Variants in COL28A1 observed in about 807,000 individuals in gnomAD.
COL28A1 encodes the protein collagen alpha-1(XXVIII) chain.
A neutral mutation model predicts 150.2 loss-of-function variants in COL28A1; 161 were observed. That is an observed-to-expected ratio of 1.07 (90% CI 0.94 to 1.22). COL28A1 has a LOEUF of 1.22. COL28A1 is among the 50% of genes most tolerant of loss of function. The pLI is 0.00. For synonymous variants in COL28A1, 552 were observed against 469.7 expected, an observed-to-expected ratio of 1.18 and a Z score of -2.26; for missense variants, 1,617 against 1,388.3, an observed-to-expected ratio of 1.16 and a Z score of -2.62.
In COL28A1 at chr7:7,530,397, G is replaced by A. The variant is rs559122134; in HGVS notation, c.681+951C>T. On this transcript the variant is annotated intron_variant, in intron 3 of 34. Transcript: ENST00000399429. ...TGTTGAGAAAAAGATCGAGGGATAA[G>A]ACAAAAGGAGCAAAACAATCTCTGA... 3.9e-5 allele frequency among the ~76,000 whole-genome samples: 6 copies of A among 152,302 alleles called. No individual in the cohort carries two copies. The South Asian group carries it at 1.2e-3, about 32-fold the overall frequency.
In COL28A1 at chr7:7,400,266, G is replaced by A. The variant is rs562584950; in HGVS notation, c.2136+17593C>T. On this transcript the variant is annotated intron_variant, in intron 27 of 34. Transcript: ENST00000399429. ...TGGGTGATTATCCTGGATTATCCAT[G>A]TGAGCCCTAAATGTAACCACAAGTA... is the stretch of plus-strand genomic sequence containing the variant. Among the ~76,000 whole-genome samples the A allele has an allele frequency of 7.2e-5, 11 of 152,266 alleles. 1 individual carries two copies. The East Asian group carries it at 9.7e-4, about 13-fold the overall frequency.
intron 24 of COL28A1, 24 bp from the exon 25 acceptor site, chr7:7,432,565 G>C (rs567494262): frequency 2.0e-4 from 326 of 1,612,788 alleles, no homozygotes; most frequent in Middle Eastern, 1.2e-3. Context: ...GTAAGGGAGG[G>C]AGTGAGCATC....
intron 15 of COL28A1, 35 bp from the exon 16 acceptor site, chr7:7,456,147 A>T: frequency 6.3e-7 from 1 of 1,598,578 alleles, no homozygotes; most frequent in Non-Finnish European, 8.5e-7. Context: ...TATAACAATA[A>T]AATAAAATCT....
chr7:7,403,958 T>C (rs1583300129), intron 27 of COL28A1, among the ~76,000 whole-genome samples: 1 of 152,214 alleles, frequency 6.6e-6, no homozygotes, highest in South Asian at 2.1e-4. Flanking sequence ...AACTAGACTT[T>C]TGAATGCCAT....
intron 5 of COL28A1, 138 bp from the exon 6 acceptor site, chr7:7,520,253 TCTC>T (rs1781645855): frequency 5.8e-6 from 3 of 521,714 alleles, no homozygotes; most frequent in Non-Finnish European, 1.0e-5. Context: ...GAAATTCAAT[TCTC>T]TTCTCCCTTT....
intron 30 of COL28A1, among the ~76,000 whole-genome samples, chr7:7,379,266 T>G (rs1781733302): frequency 6.6e-6 from 1 of 152,142 alleles, no homozygotes; most frequent in South Asian, 2.1e-4. Flanking sequence ...ACACACTAAA[T>G]TCTCACTTAA....
chr7:7,387,434 A>C (rs143093399), intron 27 of COL28A1, among the ~76,000 whole-genome samples: 1 of 152,196 alleles, frequency 6.6e-6, no homozygotes, highest in South Asian at 2.1e-4. Context: ...TCTATAGATT[A>C]AATAGTATTA....
At chr7:7,345,422 A>G in the COL28A1 span, among the ~76,000 whole-genome samples, 1 of 152,070 alleles carries the variant, frequency 6.6e-6, no homozygotes, top group Non-Finnish European at 1.5e-5. Context: ...TTTTACCTAC[A>G]TAGTTACCAT....
In COL28A1 at chr7:7,372,324, G is replaced by A. The variant is rs182800224; in HGVS notation, c.2908+674C>T. Among the ~76,000 whole-genome samples, 388 of 151,644 alleles carry A rather than the reference G, an allele frequency of 2.6e-3. 2 individuals carry two copies. Among genetic ancestry groups the A allele is most frequent in the African/African-American group, 8.1e-3 (335 of 41,358 alleles). ...TGAGGCAGGAGAATCACTTGAACCC[G>A]GGAAGCAGAGGTTGCAGTGAGCTGA... On this transcript the variant is annotated intron_variant, in intron 32 of 34. Coordinates refer to ENST00000399429, the MANE Select transcript of COL28A1 (RefSeq NM_001037763.3).
chr7:7,477,179 C>A lies in COL28A1; in HGVS notation c.1166G>T (p.Gly389Val). 1.7e-6 allele frequency: 2 copies of A among 1,202,550 alleles called. No homozygotes were observed. Among genetic ancestry groups the A allele is most frequent in the Non-Finnish European group, 2.5e-6 (2 of 803,816 alleles). The allele number at this position is 1,202,550 out of a possible 1,614,324, so 74.5% of individuals were successfully genotyped here. The change falls in exon 14 of 35, where the codon GGT becomes GTT. Residue 389 changes from glycine to valine, a missense_variant and splice_region_variant. By Grantham distance (109) the Gly-to-Val change is moderately radical. Transcript: ENST00000399429. ...TGGTACTCCCTCAGGACCACGGGGACCCTGGTTAGGATAGGAGAAAATGAG... is the reference window on the plus strand; with the variant it reads ...TGGTACTCCCTCAGGACCACGGGGAACCTGGTTAGGATAGGAGAAAATGAG... ...PIGVGEPGQP[G>V]PRGPEGVPGE...
Position 7,440,801 on chromosome 7 carries a change from C to T in COL28A1, c.1711G>A (p.Glu571Lys), listed in dbSNP as rs769125330. Residue 571 changes from glutamate (E) to lysine (K), a missense_variant, in exon 21 of 35, where the codon GAA becomes AAA. Coordinates refer to ENST00000399429, the MANE Select transcript of COL28A1 (RefSeq NM_001037763.3). ...TACAAGAAACATACCTTTGGTCCTT[C>T]GGGCCCTGGAAGTCCCCTCTGTCCT... ...NQGQRGLPGPEGPKGEPGIMG... is the reference protein window; with the variant it reads ...NQGQRGLPGPKGPKGEPGIMG... The T allele has an allele frequency of 6.1e-6, 9 of 1,479,574 alleles. No homozygotes were observed. The highest frequency in any genetic ancestry group is 2.3e-5 in the South Asian group (2 of 87,328). The allele number at this position is 1,479,574 out of a possible 1,614,324, so 91.7% of individuals were successfully genotyped here.
intron 33 of COL28A1, among the ~76,000 whole-genome samples, chr7:7,362,517 A>G (rs1421026725): frequency 6.6e-6 from 1 of 152,150 alleles, no homozygotes; most frequent in African/African-American, 2.4e-5. Flanking sequence ...GCATGCATAC[A>G]TACACACACA....
intron 15 of COL28A1, among the ~76,000 whole-genome samples, chr7:7,461,804 C>T (rs1415667154): frequency 6.6e-6 from 1 of 152,156 alleles, no homozygotes; most frequent in Non-Finnish European, 1.5e-5. Flanking sequence ...CTTCCCTATC[C>T]ACCCTGGTAA....
intron 17 of COL28A1, 125 bp downstream of exon 17, chr7:7,453,315 C>T: frequency 1.4e-6 from 1 of 704,382 alleles, no homozygotes; most frequent in Non-Finnish European, 2.5e-6. Context: ...TAACATTTTG[C>T]ATTAAGTAGA....
chr7:7,390,858 T>C (rs1444372596), intron 27 of COL28A1, among the ~76,000 whole-genome samples: 2 of 152,220 alleles, frequency 1.3e-5, no homozygotes, highest in Non-Finnish European at 2.9e-5. Flanking sequence ...CATTTTTTAT[T>C]GCATCTATTT....
At chr7:7,450,889 CA>C (rs1786639832) in intron 18 of COL28A1, among the ~76,000 whole-genome samples, 1 of 152,002 alleles carries the variant, frequency 6.6e-6, no homozygotes. Context: ...ACAAATAAAA[CA>C]TAAGGCTGAC....
chr7:7,481,516 C>A (rs1464498004), intron 13 of COL28A1, among the ~76,000 whole-genome samples: 1 of 152,162 alleles, frequency 6.6e-6, no homozygotes, highest in African/African-American at 2.4e-5. Flanking sequence ...ATTAAAAAAT[C>A]TCAGTGTCCT....
chr7:7,526,837 G>C (rs111398925), intron 3 of COL28A1, among the ~76,000 whole-genome samples: 7,704 of 152,140 alleles, frequency 0.051, 262 homozygotes, highest in Non-Finnish European at 0.076. Context: ...GTTTCATCAT[G>C]TCGGCCAGGC....
the COL28A1 span, among the ~76,000 whole-genome samples, chr7:7,345,125 T>C: frequency 2.6e-5 from 4 of 152,102 alleles, no homozygotes; most frequent in African/African-American, 9.7e-5. Flanking sequence ...CATATTATGT[T>C]ATTTTATTAA....
Sources: allele counts gnomAD v4.1 joint callset (sites outside exome capture counted in the v4.1 genomes callset), GRCh38; gene constraint gnomAD v4.1.1; transcripts MANE v1.5; gene names NCBI Gene and HGNC (gene_info 2026-07-23, HGNC 2026-07-21).